The following LAMA2 variants were observed in gnomAD, a reference collection of about 807,000 sequenced individuals.
LAMA2 encodes the protein laminin subunit alpha 2.
In LAMA2, 269 loss-of-function variants were observed where a neutral mutation model predicts 364.8. The ratio of observed to expected loss-of-function variants is 0.74; its 90% confidence interval spans 0.67 to 0.82. The LOEUF (loss-of-function observed/expected upper bound fraction) is 0.82, where lower values mean the gene tolerates loss of function less well. Among genes scored for constraint, LAMA2 ranks in the 40% least tolerant of loss-of-function variants. The pLI is 0.00. For missense variants in LAMA2, 3,807 were observed against 3,873.2 expected (o/e 0.98, Z 0.45); for synonymous variants, 1,379 against 1,370.6 (o/e 1.01, Z -0.14).
chr6:129,173,476 CTA>C (rs1780355373), intron 9 of LAMA2, among the ~76,000 whole-genome samples: 2 of 152,172 alleles, frequency 1.3e-5, no homozygotes, highest in African/African-American at 4.8e-5. Context: ...GTGATAAAGA[CTA>C]TCATCCCTAC....
At chr6:129,208,596 G>T (rs1036452033) in intron 12 of LAMA2, among the ~76,000 whole-genome samples, 4 of 147,260 alleles carry the variant, frequency 2.7e-5, no homozygotes, top group African/African-American at 7.7e-5. Context: ...AGGAAGGAAA[G>T]AAGAGAGGGA....
At chr6:128,944,929 A>G (rs1459830331) in intron 1 of LAMA2, among the ~76,000 whole-genome samples, 1 of 152,088 alleles carries the variant, frequency 6.6e-6, no homozygotes, top group Admixed American at 6.6e-5. Flanking sequence ...TTCTCCAATC[A>G]TCTCCCACCA....
At chr6:129,466,024 TATAA>T (rs1265967721) in intron 51 of LAMA2, among the ~76,000 whole-genome samples, 1 of 151,972 alleles carries the variant, frequency 6.6e-6, no homozygotes, top group Non-Finnish European at 1.5e-5. Flanking sequence ...CTTCTGCTAA[TATAA>T]ATAGACTCAA....
chr6:129,226,880 C>A lies in LAMA2; in HGVS notation c.1783-23232C>A, dbSNP rs548579813. Among the ~76,000 whole-genome samples the A allele has an allele frequency of 2.0e-5, 3 of 152,178 alleles. No individual in the cohort carries two copies. The South Asian group carries it at 6.2e-4, about 32-fold the overall frequency. On this transcript the variant is annotated intron_variant, in intron 12 of 64. Coordinates refer to ENST00000421865, the MANE Select transcript of LAMA2 (RefSeq NM_000426.4). ...TTTCCTGAATTTGAATGTTGGCCTG[C>A]CTTGCTAGGTTGGGGAAGTTCTCCT...
At chr6:128,975,042 C>T (rs1174029386) in intron 1 of LAMA2, among the ~76,000 whole-genome samples, 5 of 151,860 alleles carry the variant, frequency 3.3e-5, no homozygotes, top group Non-Finnish European at 7.4e-5. Flanking sequence ...TTAGTAGAGA[C>T]GAGGTTTCAC....
chr6:129,167,861 T>A (rs373996361), intron 9 of LAMA2, among the ~76,000 whole-genome samples: 11,659 of 150,300 alleles, frequency 0.078, 566 homozygotes, highest in Non-Finnish European at 0.11. Flanking sequence ...CCATTCTAAC[T>A]GGTGTGAGAT....
At chr6:129,256,965 G>A (rs73774628) in intron 14 of LAMA2, among the ~76,000 whole-genome samples, 2,083 of 151,280 alleles carry the variant, frequency 0.014, 53 homozygotes, top group African/African-American at 0.048. Flanking sequence ...CCAAGACAAC[G>A]TTTCTGAAAT....
intron 4 of LAMA2, among the ~76,000 whole-genome samples, chr6:129,099,137 T>G (rs554889298): frequency 6.7e-6 from 1 of 148,680 alleles, no homozygotes; most frequent in Non-Finnish European, 1.5e-5. Context: ...TTTTTTTTTT[T>G]TTGTTTTCTG....
At chr6:129,464,588 C>T (rs1476737521) in intron 50 of LAMA2, 136 bp downstream of exon 50, 2 of 791,586 alleles carry the variant, frequency 2.5e-6, no homozygotes, top group African/African-American at 1.7e-5. Flanking sequence ...GTCTGGCAGC[C>T]AAGAATGGGT....
chr6:128,973,730 A>G lies in LAMA2; in HGVS notation c.113-76188A>G, dbSNP rs540689167. 2.6e-5 allele frequency among the ~76,000 whole-genome samples: 4 copies of G among 152,236 alleles called. No individual in the cohort carries two copies. In the East Asian group the frequency reaches 7.8e-4, roughly 30 times the overall value. ...AGGATGGATATAAACTGTTTTTTCAATGTACTGAAGGCATTTCAGATTACC... is the reference window on the plus strand; with the variant it reads ...AGGATGGATATAAACTGTTTTTTCAGTGTACTGAAGGCATTTCAGATTACC... On this transcript the variant is annotated intron_variant, in intron 1 of 64. Transcript: ENST00000421865.
chr6:129,279,213 C>T (rs144450370), intron 17 of LAMA2, among the ~76,000 whole-genome samples: 1 of 152,198 alleles, frequency 6.6e-6, no homozygotes, highest in African/African-American at 2.4e-5. Flanking sequence ...TTCAGAGAGC[C>T]AGTCGAGAAC....
At chr6:129,029,460 A>G (rs1351766906) in intron 1 of LAMA2, among the ~76,000 whole-genome samples, 1 of 152,050 alleles carries the variant, frequency 6.6e-6, no homozygotes, top group Admixed American at 6.6e-5. Context: ...CTGTAATATT[A>G]TTCAAGTAAG....
intron 37 of LAMA2, among the ~76,000 whole-genome samples, chr6:129,400,399 G>A (rs1779902590): frequency 6.6e-6 from 1 of 152,116 alleles, no homozygotes; most frequent in Admixed American, 6.5e-5. Flanking sequence ...ATAACAAAAT[G>A]CTTACAAACT....
intron 8 of LAMA2, among the ~76,000 whole-genome samples, chr6:129,156,523 CTTT>C (rs199731028): frequency 7.3e-6 from 1 of 136,254 alleles, no homozygotes; most frequent in Non-Finnish European, 1.6e-5. Context: ...TCCTTAATTT[CTTT>C]TTTTTTTTTT....
At chr6:129,277,459 G>A (rs552612863) in intron 17 of LAMA2, among the ~76,000 whole-genome samples, 13 of 152,274 alleles carry the variant, frequency 8.5e-5, no homozygotes, top group African/African-American at 3.1e-4. Flanking sequence ...TTATGTTGTT[G>A]AAAGAATATC....
chr6:129,192,681 T>A lies in LAMA2; in HGVS notation c.1610T>A (p.Ile537Lys). 1 of 1,613,920 alleles carries A rather than the reference T, an allele frequency of 6.2e-7. No homozygotes were observed. Among genetic ancestry groups the A allele is most frequent in the Non-Finnish European group, 8.5e-7 (1 of 1,179,776 alleles). ...CQSSYWTYGK[I>K]QDMSGWYLTD... The stretch of plus-strand genomic sequence containing the variant: ...TGATGACTGTGTGTTTTCTCTAAGA[T>A]ACAAGATATGAGTGGCTGGTATCTG... Residue 537 changes from isoleucine to lysine, a missense_variant and splice_region_variant, in exon 12 of 65, where the codon ATA becomes AAA. Ile to Lys is a moderately radical substitution (Grantham distance 102). Around this residue, in one of 3 missense-constraint regions of LAMA2, gnomAD observed 3,333 missense variants for 3,345.7 expected, o/e 1.00. Transcript: ENST00000421865.
At chr6:129,349,486 G>C in intron 31 of LAMA2, 102 bp downstream of exon 31, 1 of 941,946 alleles carries the variant, frequency 1.1e-6, no homozygotes, top group Non-Finnish European at 1.7e-6. Context: ...TTCAATATTT[G>C]CATATCCTTT....
At chr6:129,045,710 T>C (rs1787439234) in intron 1 of LAMA2, among the ~76,000 whole-genome samples, 1 of 152,192 alleles carries the variant, frequency 6.6e-6, no homozygotes, top group African/African-American at 2.4e-5. Flanking sequence ...CATAATCCAA[T>C]TCTATATTTT....
chr6:129,088,228 A>G (rs1316692766), intron 3 of LAMA2, among the ~76,000 whole-genome samples: 1 of 151,676 alleles, frequency 6.6e-6, no homozygotes, highest in Non-Finnish European at 1.5e-5. Flanking sequence ...TCATAGATCA[A>G]CAGCATCCCA....
Sources: allele counts gnomAD v4.1 joint callset (sites outside exome capture counted in the v4.1 genomes callset), GRCh38; gene constraint gnomAD v4.1.1; regional missense constraint gnomAD v4.1.1; transcripts MANE v1.5; gene names NCBI Gene and HGNC (gene_info 2026-07-23, HGNC 2026-07-21).